Variants in GALNT13 observed in about 807,000 individuals in gnomAD.
GALNT13 encodes polypeptide N-acetylgalactosaminyltransferase 13.
In GALNT13, 28 loss-of-function variants were observed where a neutral mutation model predicts 64.2. That is an observed-to-expected ratio of 0.44 (90% CI 0.32 to 0.60). The LOEUF is 0.60. GALNT13 is among the 20% of genes least tolerant of loss of function. The probability of loss-of-function intolerance (pLI) is 0.05; values close to 1 mark genes in which losing one functional copy is unlikely to be tolerated. For missense variants in GALNT13, 577 were observed against 669.8 expected (o/e 0.86, Z 1.53); for synonymous variants, 214 against 224.6 (o/e 0.95, Z 0.42).
At chr2:154,128,024 C>T (rs1574555922) in intron 3 of GALNT13, among the ~76,000 whole-genome samples, 1 of 151,940 alleles carries the variant, frequency 6.6e-6, no homozygotes, top group Non-Finnish European at 1.5e-5. Context: ...TAAGTACACA[C>T]GATATGCCCT....
chr2:154,032,209 T>G (rs996624025), intron 3 of GALNT13, among the ~76,000 whole-genome samples: 1 of 152,132 alleles, frequency 6.6e-6, no homozygotes, highest in Non-Finnish European at 1.5e-5. Context: ...CATTAAAATA[T>G]AATAAACCTA....
chr2:153,156,648 A>G, the GALNT13 span, among the ~76,000 whole-genome samples: 6 of 152,198 alleles, frequency 3.9e-5, no homozygotes, highest in Non-Finnish European at 5.9e-5. Flanking sequence ...TAAAATATCA[A>G]TGCAAACCTA....
chr2:153,916,645 T>C (rs930827847), intron 2 of GALNT13, among the ~76,000 whole-genome samples: 2 of 152,190 alleles, frequency 1.3e-5, no homozygotes, highest in Non-Finnish European at 2.9e-5. Context: ...TCGGTGTGGA[T>C]AGAATATGAT....
At chr2:154,377,968 A>T (rs1401863158) in intron 9 of GALNT13, among the ~76,000 whole-genome samples, 1 of 152,062 alleles carries the variant, frequency 6.6e-6, no homozygotes, top group African/African-American at 2.4e-5. Flanking sequence ...AAGACGTGCC[A>T]CCCTTTTGGA....
At chr2:153,607,510 T>C in the GALNT13 span, among the ~76,000 whole-genome samples, 1 of 152,126 alleles carries the variant, frequency 6.6e-6, no homozygotes, top group Non-Finnish European at 1.5e-5. Flanking sequence ...GGAGGAAGTA[T>C]TCAATTAAGA....
the GALNT13 span, among the ~76,000 whole-genome samples, chr2:153,446,565 G>C: frequency 2.0e-5 from 3 of 152,156 alleles, no homozygotes; most frequent in Non-Finnish European, 4.4e-5. Context: ...CTGAACTTCA[G>C]GCGAATCTAT....
At chr2:153,172,501 A>T in the GALNT13 span, among the ~76,000 whole-genome samples, 2 of 151,954 alleles carry the variant, frequency 1.3e-5, no homozygotes, top group Non-Finnish European at 2.9e-5. Flanking sequence ...CACCACTGAG[A>T]GCTGAGGTGG....
the GALNT13 span, among the ~76,000 whole-genome samples, chr2:153,363,656 A>G: frequency 1.3e-5 from 2 of 152,208 alleles, no homozygotes; most frequent in Admixed American, 1.3e-4. Flanking sequence ...AAATTCCTGG[A>G]CATATACACC....
the GALNT13 span, among the ~76,000 whole-genome samples, chr2:153,146,155 C>A: frequency 6.6e-6 from 1 of 150,602 alleles, no homozygotes; most frequent in African/African-American, 2.4e-5. Context: ...AAACAAACAC[C>A]AGTCTTTTAT....
the GALNT13 span, among the ~76,000 whole-genome samples, chr2:153,461,302 C>A: frequency 6.6e-6 from 1 of 151,948 alleles, no homozygotes; most frequent in Non-Finnish European, 1.5e-5. Context: ...TTTGGGAGAA[C>A]ACATGAAAGT....
At chr2:153,982,875 A>G (rs1235671413) in intron 3 of GALNT13, among the ~76,000 whole-genome samples, 1 of 151,930 alleles carries the variant, frequency 6.6e-6, no homozygotes. Flanking sequence ...AAGTTTTGGT[A>G]TTTTCTCTGC....
the GALNT13 span, among the ~76,000 whole-genome samples, chr2:153,852,038 CA>C: frequency 6.6e-6 from 1 of 151,950 alleles, no homozygotes. Flanking sequence ...GCCAAAATAA[CA>C]GAGCGTTGCA....
At chr2:153,413,085 C>T in the GALNT13 span, among the ~76,000 whole-genome samples, 43 of 152,088 alleles carry the variant, frequency 2.8e-4, no homozygotes, top group African/African-American at 1.0e-3. Context: ...TTACCAGAGC[C>T]CAAAAGGGGA....
the GALNT13 span, among the ~76,000 whole-genome samples, chr2:153,795,138 C>T: frequency 6.6e-6 from 1 of 152,154 alleles, no homozygotes; most frequent in African/African-American, 2.4e-5. Flanking sequence ...AGTTTGTACT[C>T]ATTTCTCTTT....
At chr2:153,257,874 T>C in the GALNT13 span, among the ~76,000 whole-genome samples, 3 of 152,202 alleles carry the variant, frequency 2.0e-5, no homozygotes, top group Admixed American at 6.5e-5. Context: ...TGGTGTGCTT[T>C]CTTTAATGAA....
chr2:154,349,548 C>T lies in GALNT13; in HGVS notation c.1157-46443C>T, dbSNP rs139554628. Among the ~76,000 whole-genome samples the T allele has an allele frequency of 2.2e-3, 332 of 152,276 alleles. 4 individuals carry two copies. Among genetic ancestry groups the T allele is most frequent in the African/African-American group, 7.7e-3 (321 of 41,548 alleles). ...CAAACAACATTGCTGTTAGGTCAAA[C>T]ATTAAAGCTGCCACAAGTCATCTTT... is the stretch of plus-strand genomic sequence containing the variant. On this transcript the variant is annotated intron_variant, in intron 9 of 12. Transcript: ENST00000392825.
the GALNT13 span, among the ~76,000 whole-genome samples, chr2:153,483,711 C>A: frequency 3.3e-5 from 5 of 152,106 alleles, no homozygotes; most frequent in African/African-American, 1.2e-4. Flanking sequence ...CCACCACGCC[C>A]GGCCCTGCCC....
chr2:154,368,205 C>G (rs1697480307), intron 9 of GALNT13, among the ~76,000 whole-genome samples: 1 of 152,102 alleles, frequency 6.6e-6, no homozygotes. Context: ...GGCAGTTTCA[C>G]AGATTTGCTA....
chr2:154,101,750 A>G (rs982494198), intron 3 of GALNT13, among the ~76,000 whole-genome samples: 12 of 151,832 alleles, frequency 7.9e-5, no homozygotes, highest in Admixed American at 1.3e-4. Flanking sequence ...TAAATTATTA[A>G]TTTGATATCT....
Sources: allele counts gnomAD v4.1 joint callset (sites outside exome capture counted in the v4.1 genomes callset), GRCh38; gene constraint gnomAD v4.1.1; transcripts MANE v1.5; gene names NCBI Gene and HGNC (gene_info 2026-07-23, HGNC 2026-07-21).